The following DLG2 variants were observed in gnomAD, a reference collection of about 807,000 sequenced individuals.
DLG2 encodes discs large MAGUK scaffold protein 2.
DLG2 carries 45 observed loss-of-function variants against 132.5 expected under a neutral mutation model. The ratio of observed to expected loss-of-function variants is 0.34; its 90% CI spans 0.27 to 0.44. The LOEUF (loss-of-function observed/expected upper bound fraction) is 0.44, where lower values mean the gene tolerates loss of function less well. Among genes scored for constraint, DLG2 ranks in the 20% least tolerant of loss-of-function variants. The pLI, the probability that DLG2 is intolerant of heterozygous loss-of-function variation, is 1.00. For synonymous variants in DLG2, 424 were observed against 419.6 expected (o/e 1.01, Z -0.13); for missense variants, 1,045 against 1,196.9 (o/e 0.87, Z 1.87).
At chr11:84,156,616 A>C (rs1293589246) in intron 9 of DLG2, among the ~76,000 whole-genome samples, 1 of 152,222 alleles carries the variant, frequency 6.6e-6, no homozygotes, top group Non-Finnish European at 1.5e-5. Context: ...CAACTAATAA[A>C]ATAATTTAAA....
chr11:84,387,083 C>T (rs1262284538), intron 7 of DLG2, among the ~76,000 whole-genome samples: 1 of 152,020 alleles, frequency 6.6e-6, no homozygotes, highest in East Asian at 1.9e-4. Flanking sequence ...ACCACCTCTT[C>T]CTTGCTCTTC....
intron 7 of DLG2, among the ~76,000 whole-genome samples, chr11:84,341,127 A>C (rs1489962438): frequency 2.0e-5 from 3 of 152,154 alleles, no homozygotes; most frequent in African/African-American, 2.4e-5. Flanking sequence ...ATTCCATTGC[A>C]TAGTAGCTGT....
At chr11:84,879,237 A>G (rs964974835) in intron 6 of DLG2, among the ~76,000 whole-genome samples, 6 of 152,178 alleles carry the variant, frequency 3.9e-5, no homozygotes, top group African/African-American at 1.4e-4. Flanking sequence ...ACTCCATAAA[A>G]TACCTACTGC....
At chr11:83,902,405 G>A (rs1217989335) in intron 15 of DLG2, among the ~76,000 whole-genome samples, 1 of 152,154 alleles carries the variant, frequency 6.6e-6, no homozygotes, top group African/African-American at 2.4e-5. Flanking sequence ...ATTAACAAAA[G>A]TAGCATCAAG....
At chr11:84,976,529 T>C (rs997876226) in intron 6 of DLG2, among the ~76,000 whole-genome samples, 1 of 152,180 alleles carries the variant, frequency 6.6e-6, no homozygotes, top group African/African-American at 2.4e-5. Context: ...TTAATATTTT[T>C]AAATTTTCTT....
intron 6 of DLG2, among the ~76,000 whole-genome samples, chr11:85,007,359 T>A (rs886319700): frequency 6.6e-6 from 1 of 152,000 alleles, no homozygotes; most frequent in Non-Finnish European, 1.5e-5. Flanking sequence ...AAAAGTTTTA[T>A]GGATCAGAGT....
intron 3 of DLG2, among the ~76,000 whole-genome samples, chr11:85,454,200 A>G (rs2092345003): frequency 6.6e-6 from 1 of 150,900 alleles, no homozygotes; most frequent in Non-Finnish European, 1.5e-5. Context: ...CAACCTCACC[A>G]TCATCTGTTA....
intron 19 of DLG2, among the ~76,000 whole-genome samples, chr11:83,600,853 G>A (rs755987209): frequency 2.4e-4 from 37 of 152,228 alleles, no homozygotes; most frequent in Admixed American, 5.9e-4. Flanking sequence ...AAAGCAGATG[G>A]TGTGATAGAG....
intron 8 of DLG2, among the ~76,000 whole-genome samples, chr11:84,196,830 C>T (rs2154295630): frequency 6.6e-6 from 1 of 151,916 alleles, no homozygotes; most frequent in South Asian, 2.1e-4. Context: ...CATTTGAAGT[C>T]AGGAGTTTAG....
chr11:85,465,875 C>T (rs561292634), intron 3 of DLG2, among the ~76,000 whole-genome samples: 62 of 151,994 alleles, frequency 4.1e-4, no homozygotes, highest in Admixed American at 9.2e-4. Context: ...CCTGAGGAAT[C>T]GCCACACTGA....
At chr11:83,784,822 T>C (rs571112513) in intron 18 of DLG2, among the ~76,000 whole-genome samples, 1 of 152,336 alleles carries the variant, frequency 6.6e-6, no homozygotes, top group African/African-American at 2.4e-5. Context: ...TCTATGATTC[T>C]AACCATCTTA....
intron 3 of DLG2, chr11:85,286,173 G>A (rs764296129): frequency 2.3e-6 from 1 of 426,748 alleles, no homozygotes. Context: ...ACTCTAGTTG[G>A]TAAACTTGTG....
intron 6 of DLG2, among the ~76,000 whole-genome samples, chr11:84,813,847 G>A (rs547893564): frequency 7.5e-6 from 1 of 133,458 alleles, no homozygotes; most frequent in African/African-American, 2.8e-5. Flanking sequence ...CAGTACCCCA[G>A]TGTTAATTTC....
At chr11:84,393,171 A>T (rs1601326466) in intron 7 of DLG2, among the ~76,000 whole-genome samples, 1 of 152,170 alleles carries the variant, frequency 6.6e-6, no homozygotes, top group East Asian at 1.9e-4. Flanking sequence ...AATATCTTTC[A>T]CCATTGATCT....
intron 4 of DLG2, among the ~76,000 whole-genome samples, chr11:85,178,904 ATCATGAAAGG>A (rs1280236331): frequency 1.3e-5 from 2 of 151,888 alleles, no homozygotes; most frequent in African/African-American, 2.4e-5. Context: ...TTCTCAGAGT[ATCATGAAAGG>A]AGGATGAAGA....
At chr11:85,292,676 G>A (rs1273776455) in intron 3 of DLG2, among the ~76,000 whole-genome samples, 1 of 81,750 alleles carries the variant, frequency 1.2e-5, no homozygotes, top group African/African-American at 4.5e-5. Flanking sequence ...GAGGGAGGGA[G>A]GGAGGGAGGG....
chr11:85,358,795 T>C (rs1276781074), intron 3 of DLG2, among the ~76,000 whole-genome samples: 2 of 152,230 alleles, frequency 1.3e-5, no homozygotes, highest in African/African-American at 2.4e-5. Flanking sequence ...TGTACACAGA[T>C]ACAACTTAAG....
chr11:83,988,962 A>G (rs371159203), intron 11 of DLG2, among the ~76,000 whole-genome samples: 1 of 164 alleles, frequency 6.1e-3, no homozygotes, highest in Non-Finnish European at 0.013. Flanking sequence ...TCTGTAATGA[A>G]TGGTTTTTTG....
chr11:84,969,396 A>G (rs1435611208), intron 6 of DLG2, among the ~76,000 whole-genome samples: 1 of 152,044 alleles, frequency 6.6e-6, no homozygotes, highest in Non-Finnish European at 1.5e-5. Context: ...CCTCACCAAA[A>G]CCACAGTGGC....
Sources: allele counts gnomAD v4.1 joint callset (sites outside exome capture counted in the v4.1 genomes callset), GRCh38; gene constraint gnomAD v4.1.1; transcripts MANE v1.5; gene names NCBI Gene and HGNC (gene_info 2026-07-23, HGNC 2026-07-21).